Variants in TMEM196 observed in about 807,000 individuals in gnomAD.
TMEM196 encodes the protein transmembrane protein 196.
A neutral mutation model predicts 20.0 loss-of-function variants in TMEM196; 17 were observed. That is an observed-to-expected ratio of 0.85 (90% CI 0.58 to 1.27). TMEM196 has a LOEUF of 1.27. TMEM196 is among the 50% of genes most tolerant of loss of function. TMEM196 has a pLI of 0.00. For missense variants in TMEM196, 267 were observed against 223.0 expected, an observed-to-expected ratio of 1.20 and a Z score of -1.26; for synonymous variants, 113 against 88.9, an observed-to-expected ratio of 1.27 and a Z score of -1.52.
intron 1 of TMEM196, among the ~76,000 whole-genome samples, chr7:19,752,576 C>T (rs781246512): frequency 7.9e-5 from 12 of 151,736 alleles, no homozygotes; most frequent in Non-Finnish European, 1.5e-4. Flanking sequence ...CTTATTTTCT[C>T]GTTCAATTTT....
At position 19,756,264 on chromosome 7, in the gene TMEM196, A is replaced by G. The variant is rs183346284; in HGVS notation, c.147+16286T>C. 4.5e-4 allele frequency among the ~76,000 whole-genome samples: 69 copies of G among 152,110 alleles called. 1 individual carries two copies. Among genetic ancestry groups the G allele is most frequent in the Admixed American group, 3.7e-3 (57 of 15,278 alleles). On this transcript the variant is annotated intron_variant, in intron 1 of 4. Coordinates refer to ENST00000405844, the MANE Select transcript of TMEM196 (RefSeq NM_001363562.2). ...AAAAGTATTGTCATTTTTCCATGTA[A>G]TCAACATAAAACGACTTGAGACATT...
intron 1 of TMEM196, among the ~76,000 whole-genome samples, chr7:19,746,553 T>A (rs968521435): frequency 1.3e-5 from 2 of 152,242 alleles, no homozygotes; most frequent in Non-Finnish European, 2.9e-5. Context: ...TTTATTGTTG[T>A]GAATATAAAT....
intron 1 of TMEM196, among the ~76,000 whole-genome samples, chr7:19,749,882 C>T (rs1261662438): frequency 6.6e-6 from 1 of 152,186 alleles, no homozygotes; most frequent in African/African-American, 2.4e-5. Context: ...GCAATCATAA[C>T]TCGTCTGGCA....
chr7:19,732,572 C>CAA (rs1306393130), intron 1 of TMEM196, among the ~76,000 whole-genome samples: 6 of 50,996 alleles, frequency 1.2e-4, no homozygotes, highest in South Asian at 5.5e-4. Context: ...GACTCCATCT[C>CAA]AAAAAAAAAA....
intron 1 of TMEM196, 142 bp from the exon 2 acceptor site, chr7:19,729,580 C>A: frequency 1.4e-6 from 1 of 734,690 alleles, no homozygotes; most frequent in South Asian, 2.0e-5. Flanking sequence ...AGGATAAGAT[C>A]TCATTCTAGA....
At chr7:19,771,935 C>T (rs562948724) in intron 1 of TMEM196, among the ~76,000 whole-genome samples, 144 of 152,282 alleles carry the variant, frequency 9.5e-4, no homozygotes, top group African/African-American at 3.4e-3. Flanking sequence ...AAAGCGTTTT[C>T]AGAGGTGAAA....
At chr7:19,767,191 AAAGAAAAATGT>A (rs1785667669) in intron 1 of TMEM196, among the ~76,000 whole-genome samples, 1 of 152,128 alleles carries the variant, frequency 6.6e-6, no homozygotes, top group South Asian at 2.1e-4. Context: ...TTCATGAAAT[AAAGAAAAATGT>A]GACAAAACTC....
intron 1 of TMEM196, among the ~76,000 whole-genome samples, chr7:19,737,379 T>G (rs974524999): frequency 6.6e-6 from 1 of 152,040 alleles, no homozygotes; most frequent in South Asian, 2.1e-4. Flanking sequence ...TAGAAAATGG[T>G]GTAGCCACTA....
chr7:19,723,700 T>A (rs1783888810), intron 4 of TMEM196, among the ~76,000 whole-genome samples: 1 of 152,178 alleles, frequency 6.6e-6, no homozygotes, highest in Admixed American at 6.5e-5. Context: ...TGGGCCATAG[T>A]ATCCATGTGA....
At chr7:19,745,929 C>G (rs529081033) in intron 1 of TMEM196, among the ~76,000 whole-genome samples, 7 of 151,822 alleles carry the variant, frequency 4.6e-5, no homozygotes, top group Admixed American at 2.6e-4. Context: ...TCAAATAACT[C>G]AGAGGACCTA....
chr7:19,753,493 G>T (rs944138145), intron 1 of TMEM196, among the ~76,000 whole-genome samples: 3 of 151,956 alleles, frequency 2.0e-5, no homozygotes, highest in Non-Finnish European at 4.4e-5. Context: ...TTTTAAAAGC[G>T]TGACTCCCAT....
intron 1 of TMEM196, among the ~76,000 whole-genome samples, chr7:19,733,448 C>G (rs529272761): frequency 2.0e-5 from 3 of 152,242 alleles, no homozygotes; most frequent in East Asian, 3.9e-4. Context: ...CACTATGTCA[C>G]CTGTTGCAGA....
intron 2 of TMEM196, among the ~76,000 whole-genome samples, chr7:19,726,551 G>A (rs1784008068): frequency 6.6e-6 from 1 of 151,726 alleles, no homozygotes; most frequent in African/African-American, 2.4e-5. Context: ...AATACTGTTC[G>A]TTTGTTCGTT....
At chr7:19,726,472 A>G (rs979388162) in intron 2 of TMEM196, among the ~76,000 whole-genome samples, 3 of 152,188 alleles carry the variant, frequency 2.0e-5, no homozygotes, top group Non-Finnish European at 2.9e-5. Context: ...ACTGACCCCT[A>G]TATATTACAA....
chr7:19,742,773 G>T (rs1784622421), intron 1 of TMEM196, among the ~76,000 whole-genome samples: 1 of 152,010 alleles, frequency 6.6e-6, no homozygotes, highest in South Asian at 2.1e-4. Flanking sequence ...CCATTATATT[G>T]GAATGACATG....
At chr7:19,733,411 G>A (rs978708267) in intron 1 of TMEM196, among the ~76,000 whole-genome samples, 1 of 152,160 alleles carries the variant, frequency 6.6e-6, no homozygotes, top group Admixed American at 6.5e-5. Context: ...AATTCAAAGA[G>A]GGAAATCTTC....
chr7:19,730,129 G>A (rs374662202), intron 1 of TMEM196, among the ~76,000 whole-genome samples: 329 of 152,146 alleles, frequency 2.2e-3, no homozygotes, highest in African/African-American at 7.5e-3. Flanking sequence ...GGTGGCAGGC[G>A]CCTATGATCC....
chr7:19,745,840 G>C (rs1239886330), intron 1 of TMEM196, among the ~76,000 whole-genome samples: 2 of 150,642 alleles, frequency 1.3e-5, no homozygotes, highest in Non-Finnish European at 3.0e-5. Context: ...ATTGTCCATT[G>C]GCGTATTCTA....
At position 19,721,217 on chromosome 7, in the gene TMEM196, C is replaced by G. The variant is rs952661695; in HGVS notation, c.*911G>C. 1.3e-5 allele frequency: 2 copies of G among 151,774 alleles called. No individual in the cohort carries two copies. The highest frequency in any genetic ancestry group is 4.8e-5 in the African/African-American group (2 of 41,414). The allele number at this position is 151,774 out of a possible 1,614,324, so 9.4% of individuals were successfully genotyped here. ...GGCATAGAAGGGCCTTGAGCAATTG[C>G]CTTCCCATTTCTATTGGAGTAGAAT... On this transcript the variant is annotated 3_prime_UTR_variant, in exon 5 of 5. Coordinates refer to ENST00000405844, the MANE Select transcript of TMEM196 (RefSeq NM_001363562.2).
Sources: gnomAD v4.1 joint callset for allele counts (sites outside exome capture counted in the v4.1 genomes callset) on GRCh38, gnomAD v4.1.1 for gene constraint, MANE v1.5 for transcripts, NCBI Gene and HGNC (gene_info 2026-07-23, HGNC 2026-07-21) for gene names.